The following MINDY2 variants were observed in gnomAD, a reference collection of about 807,000 sequenced individuals.
MINDY2 encodes MINDY lysine 48 deubiquitinase 2, also known as ubiquitin carboxyl-terminal hydrolase MINDY-2.
Under a neutral mutation model 68.2 loss-of-function variants are expected in MINDY2, and 52 were observed. That is an observed-to-expected ratio of 0.76 (90% CI 0.61 to 0.96). The LOEUF is 0.96. Among genes scored for constraint, MINDY2 ranks in the 40% least tolerant of loss-of-function variants. The probability of loss-of-function intolerance (pLI) is 0.00; values close to 1 mark genes in which losing one functional copy is unlikely to be tolerated. For synonymous variants in MINDY2, 372 were observed against 303.0 expected (o/e 1.23, Z -2.36); for missense variants, 881 against 773.4 (o/e 1.14, Z -1.65).
At position 58,771,344 on chromosome 15, in the gene MINDY2, G is replaced by C; in HGVS notation, c.-52G>C. The stretch of plus-strand genomic sequence containing the variant: ...AGCTGTCATGGCGTCCAAGGCGCTG[G>C]CTGCGGAGAAGTGGCCGCGGTCTCC... On this transcript the variant is annotated 5_prime_UTR_variant, in exon 1 of 9. Transcript: ENST00000559228. The C allele has an allele frequency of 6.4e-7, 1 of 1,559,100 alleles. No homozygotes were observed. The highest frequency in any genetic ancestry group is 1.2e-5 in the South Asian group (1 of 85,884).
At chr15:58,844,559 C>CAAAAAAA (rs34592774) in intron 6 of MINDY2, among the ~76,000 whole-genome samples, 2 of 66,896 alleles carry the variant, frequency 3.0e-5, no homozygotes, top group African/African-American at 5.5e-5. Context: ...GACTCCGTCT[C>CAAAAAAA]AAAAAAAAAA....
chr15:58,820,537 A>T (rs754112304), intron 4 of MINDY2, among the ~76,000 whole-genome samples: 1 of 152,196 alleles, frequency 6.6e-6, no homozygotes, highest in Non-Finnish European at 1.5e-5. Context: ...TTGTTTACTC[A>T]ACCAATCATC....
intron 1 of MINDY2, among the ~76,000 whole-genome samples, chr15:58,787,090 A>G (rs1222523125): frequency 6.6e-6 from 1 of 151,808 alleles, no homozygotes; most frequent in Non-Finnish European, 1.5e-5. Flanking sequence ...TTGGCCTTCC[A>G]AAGTGCTGGG....
intron 6 of MINDY2, among the ~76,000 whole-genome samples, chr15:58,833,683 GTATTGC>G (rs1255619763): frequency 6.6e-6 from 1 of 152,170 alleles, no homozygotes; most frequent in East Asian, 1.9e-4. Flanking sequence ...TTAAGGAGCA[GTATTGC>G]TGCCAGCATG....
At chr15:58,844,128 C>G (rs1304484052) in intron 6 of MINDY2, among the ~76,000 whole-genome samples, 1 of 152,052 alleles carries the variant, frequency 6.6e-6, no homozygotes, top group Non-Finnish European at 1.5e-5. Context: ...AATATCAGTG[C>G]AAGAAATATT....
rs187500295 is a variant in MINDY2, at chr15:58,859,066, A to T, written c.*4456A>T. 6.6e-6 allele frequency: 1 copy of T among 152,104 alleles called. No individual in the cohort carries two copies. Among genetic ancestry groups the T allele is most frequent in the Non-Finnish European group, 1.5e-5 (1 of 67,956 alleles). 9.4% of individuals were successfully genotyped at this position (152,104 alleles called of 1,614,324 possible). A position where few individuals can be genotyped will look rare whatever the true frequency, so the allele number is the denominator to read the frequency against. On this transcript the variant is annotated 3_prime_UTR_variant, in exon 9 of 9. Transcript: ENST00000559228. The stretch of plus-strand genomic sequence containing the variant: ...TGAATGTGCACACTTTTTTCTCAAT[A>T]ACAAAATATATCTTAAGTCAGTTTT...
intron 6 of MINDY2, among the ~76,000 whole-genome samples, chr15:58,841,622 C>G (rs1024690931): frequency 2.0e-5 from 3 of 151,474 alleles, no homozygotes; most frequent in Non-Finnish European, 4.4e-5. Flanking sequence ...TCAGGCTGGT[C>G]TCGAACTCCT....
chr15:58,816,786 G>A (rs1301759778), intron 4 of MINDY2, among the ~76,000 whole-genome samples: 1 of 152,146 alleles, frequency 6.6e-6, no homozygotes, highest in East Asian at 1.9e-4. Context: ...TATTCCATGC[G>A]CATTAAAGTT....
rs200746441 is a variant in MINDY2 at position 58,790,588 on chromosome 15, TG to T, written c.898+2631del. ...CATTTATGTTGACAATAGACCTTAG[TG>T]GGGGGTAAGACAAGTGGGAAAACTA... is the stretch of plus-strand genomic sequence containing the variant. On this transcript the variant is annotated intron_variant, in intron 2 of 8. Coordinates refer to ENST00000559228, the MANE Select transcript of MINDY2 (RefSeq NM_001040450.3). Among the ~76,000 whole-genome samples the T allele has an allele frequency of 6.0e-5, 9 of 151,078 alleles. No individual in the cohort carries two copies. In the South Asian group the frequency reaches 8.4e-4, roughly 14 times the overall value.
intron 2 of MINDY2, among the ~76,000 whole-genome samples, chr15:58,792,555 G>T (rs372328740): frequency 6.6e-6 from 1 of 152,120 alleles, no homozygotes; most frequent in African/African-American, 2.4e-5. Context: ...GCAGTGAGCC[G>T]AGATCATGCG....
chr15:58,837,150 C>T (rs2032033005), intron 6 of MINDY2, among the ~76,000 whole-genome samples: 1 of 152,138 alleles, frequency 6.6e-6, no homozygotes, highest in Non-Finnish European at 1.5e-5. Flanking sequence ...AGGATTGTGC[C>T]TTTGTTCTAT....
chr15:58,845,473 G>T (rs1416221729), intron 6 of MINDY2, among the ~76,000 whole-genome samples: 1 of 152,136 alleles, frequency 6.6e-6, no homozygotes, highest in African/African-American at 2.4e-5. Flanking sequence ...GGTCATCTGA[G>T]AAATGCAAAT....
chr15:58,834,780 A>G (rs1227139673), intron 6 of MINDY2, among the ~76,000 whole-genome samples: 1 of 152,214 alleles, frequency 6.6e-6, no homozygotes, highest in Non-Finnish European at 1.5e-5. Flanking sequence ...TAGTCAATGA[A>G]TTACACAAAG....
At chr15:58,809,048 A>C (rs1024644503) in intron 3 of MINDY2, among the ~76,000 whole-genome samples, 1 of 152,178 alleles carries the variant, frequency 6.6e-6, no homozygotes, top group African/African-American at 2.4e-5. Flanking sequence ...CCGTCTCTAC[A>C]AAATATCAAA....
At chr15:58,792,547 A>G (rs1264995918) in intron 2 of MINDY2, among the ~76,000 whole-genome samples, 3 of 152,210 alleles carry the variant, frequency 2.0e-5, no homozygotes, top group Admixed American at 2.0e-4. Flanking sequence ...CGGACGTTGC[A>G]GTGAGCCGAG....
chr15:58,839,427 G>T (rs186079412), intron 6 of MINDY2, among the ~76,000 whole-genome samples: 1 of 152,076 alleles, frequency 6.6e-6, no homozygotes, highest in African/African-American at 2.4e-5. Flanking sequence ...CACCTCCCCG[G>T]TTCAAGTGAT....
At chr15:58,852,964 TTTTTTTA>T (rs1246502287) in intron 8 of MINDY2, among the ~76,000 whole-genome samples, 88 of 29,818 alleles carry the variant, frequency 3.0e-3, no homozygotes, top group Middle Eastern at 0.033. Context: ...TTTTTTTTTT[TTTTTTTA>T]AGACAGAGTC....
At position 58,859,520 on chromosome 15, in the gene MINDY2, G is replaced by A. The variant is rs1567084484; in HGVS notation, c.*4910G>A. On this transcript the variant is annotated 3_prime_UTR_variant, in exon 9 of 9. Transcript: ENST00000559228. The stretch of plus-strand genomic sequence containing the variant: ...CGTTCTTAAGTTCTCTGATAATTTA[G>A]TATATTTTATTAATGATGTCCAACA... 6.6e-6 allele frequency: 1 copy of A among 152,126 alleles called. No homozygotes were observed. The allele number at this position is 152,126 out of a possible 1,614,324, so 9.4% of individuals were successfully genotyped here. A position where few individuals can be genotyped will look rare whatever the true frequency, so the allele number is the denominator to read the frequency against.
intron 6 of MINDY2, among the ~76,000 whole-genome samples, chr15:58,842,841 C>T (rs1335980613): frequency 6.6e-6 from 1 of 152,088 alleles, no homozygotes; most frequent in African/African-American, 2.4e-5. Context: ...CATGTAAAGA[C>T]CCTAAGTAAC....
Sources: allele counts gnomAD v4.1 joint callset (sites outside exome capture counted in the v4.1 genomes callset), GRCh38; gene constraint gnomAD v4.1.1; transcripts MANE v1.5; gene names NCBI Gene and HGNC (gene_info 2026-07-23, HGNC 2026-07-21).